PLEKHA6: variants seen among roughly 807,000 people sequenced by gnomAD.
The protein encoded by PLEKHA6 is pleckstrin homology domain containing A6, also known as pleckstrin homology domain-containing family A member 6.
PLEKHA6 carries 60 observed loss-of-function variants against 116.7 expected under a neutral mutation model. The observed-to-expected ratio is 0.51, with a 90% confidence interval of 0.42 to 0.64. The LOEUF (loss-of-function observed/expected upper bound fraction) is 0.64, where lower values mean the gene tolerates loss of function less well. Ranked by LOEUF, PLEKHA6 falls within the 30% of genes least tolerant of loss-of-function variation. The pLI, the probability that PLEKHA6 is intolerant of heterozygous loss-of-function variation, is 0.00. For synonymous variants in PLEKHA6, 489 were observed against 556.1 expected, an observed-to-expected ratio of 0.88 and a Z score of 1.70; for missense variants, 1,338 against 1,422.7, an observed-to-expected ratio of 0.94 and a Z score of 0.96.
At chr1:204,236,498 C>T (rs1662070840) in intron 17 of PLEKHA6, among the ~76,000 whole-genome samples, 1 of 152,142 alleles carries the variant, frequency 6.6e-6, no homozygotes, top group Non-Finnish European at 1.5e-5. Context: ...TGTAATTGCT[C>T]TTCTCTGCAT....
At chr1:204,253,436 T>C (rs1430572247) in intron 9 of PLEKHA6, among the ~76,000 whole-genome samples, 1 of 152,132 alleles carries the variant, frequency 6.6e-6, no homozygotes, top group Admixed American at 6.5e-5. Flanking sequence ...GAGTACTACC[T>C]ACGTGAACCC....
Position 204,259,234 on chromosome 1 carries a change from A to G in PLEKHA6, c.1007+24T>C. 6.2e-7 allele frequency: 1 copy of G among 1,608,196 alleles called. No individual in the cohort carries two copies. The highest frequency in any genetic ancestry group is 2.2e-5 in the East Asian group (1 of 44,818). On this transcript the variant is annotated intron_variant, in intron 8 of 22. Transcript: ENST00000272203. This position sits in a 1 kb window ranked among gnomAD's most constrained non-coding sequence, Gnocchi z 4.6. ...CTAGCCATAATACCATATCAGCCCC[A>G]CCCCAGCCGCCGGCATGCCTCACCT... is the stretch of plus-strand genomic sequence containing the variant.
intron 1 of PLEKHA6, chr1:204,281,085 G>T: frequency 3.0e-6 from 2 of 662,752 alleles, no homozygotes; most frequent in Non-Finnish European, 3.7e-6. Context: ...CTACTCAGAG[G>T]CAGAGGCAGG....
At chr1:204,314,294 C>T (rs1671770302) in intron 1 of PLEKHA6, among the ~76,000 whole-genome samples, 1 of 152,202 alleles carries the variant, frequency 6.6e-6, no homozygotes, top group Non-Finnish European at 1.5e-5. Context: ...CTGTAGCTCA[C>T]CTGTTCCTGT....
intron 1 of PLEKHA6, among the ~76,000 whole-genome samples, chr1:204,333,929 T>A (rs988076194): frequency 3.0e-4 from 45 of 152,228 alleles, no homozygotes; most frequent in African/African-American, 1.0e-3. Context: ...ATTGACAAGC[T>A]TTCCTAATCA....
At position 204,259,452 on chromosome 1, in the gene PLEKHA6, G is replaced by A. The variant is rs760563340; in HGVS notation, c.813C>T (p.Gly271=). 1.2e-6 allele frequency: 2 copies of A among 1,614,108 alleles called. No homozygotes were observed. The highest frequency in any genetic ancestry group is 2.7e-5 in the African/African-American group (2 of 74,954). ...GGGEQPAQPN[G]WQYHSPSRPG... ...GCCGGCTTGGGGAGTGGTACTGCCA[G>A]CCATTGGGCTGGGCAGGCTGTTCCC... The change falls in exon 8 of 23, where the codon GGC becomes GGT. Residue 271 remains glycine, a synonymous_variant. Transcript: ENST00000272203. The surrounding 1 kb of genome is among the most constrained non-coding windows in gnomAD (Gnocchi z 4.6).
At chr1:204,293,728 T>C (rs1371665056) in intron 1 of PLEKHA6, among the ~76,000 whole-genome samples, 1 of 152,216 alleles carries the variant, frequency 6.6e-6, no homozygotes, top group Non-Finnish European at 1.5e-5. Context: ...TGGCAAAATG[T>C]AAGACATTTT....
chr1:204,280,740 G>A (rs1395088320), intron 1 of PLEKHA6, among the ~76,000 whole-genome samples: 1 of 152,186 alleles, frequency 6.6e-6, no homozygotes, highest in Non-Finnish European at 1.5e-5. Flanking sequence ...GTTGGCTCCT[G>A]CTCTGTGCCT....
chr1:204,265,090 CGT>C (rs770241950), intron 5 of PLEKHA6, 48 bp from the exon 6 acceptor site: 1 of 1,313,796 alleles, frequency 7.6e-7, no homozygotes, highest in Non-Finnish European at 1.1e-6. Flanking sequence ...TGTGTGCAAG[CGT>C]GTGCGTGCGC....
At chr1:204,249,307 G>C (rs373819056) in intron 10 of PLEKHA6, 43 bp from the exon 11 acceptor site, 3 of 1,368,636 alleles carry the variant, frequency 2.2e-6, no homozygotes, top group Non-Finnish European at 3.1e-6. Context: ...GAAAGAAGGG[G>C]ATGAAGGACA....
intron 1 of PLEKHA6, among the ~76,000 whole-genome samples, chr1:204,329,628 A>C (rs998885972): frequency 6.6e-6 from 1 of 152,172 alleles, no homozygotes; most frequent in African/African-American, 2.4e-5. Flanking sequence ...CAAATAAGTA[A>C]ATTAAAGGAA....
intron 17 of PLEKHA6, among the ~76,000 whole-genome samples, chr1:204,234,525 C>T (rs1205126881): frequency 6.6e-6 from 1 of 152,150 alleles, no homozygotes; most frequent in East Asian, 1.9e-4. Context: ...TTCATCAACG[C>T]ACATTATGAT....
At chr1:204,358,539 G>A (rs1418843925) in intron 1 of PLEKHA6, among the ~76,000 whole-genome samples, 2 of 152,170 alleles carry the variant, frequency 1.3e-5, no homozygotes, top group Admixed American at 6.5e-5. Flanking sequence ...CCAGACAGTG[G>A]GCTCAGGCAG....
chr1:204,310,218 T>C (rs777806004), intron 1 of PLEKHA6, among the ~76,000 whole-genome samples: 21 of 152,086 alleles, frequency 1.4e-4, no homozygotes, highest in Admixed American at 5.2e-4. Flanking sequence ...AGATGAGAGA[T>C]AGATCGAGAG....
intron 9 of PLEKHA6, among the ~76,000 whole-genome samples, chr1:204,256,113 C>T (rs945303749): frequency 9.2e-5 from 14 of 152,186 alleles, no homozygotes; most frequent in African/African-American, 2.2e-4. Flanking sequence ...AAGGAGCAGC[C>T]GCCTAGCCTC....
rs142145022 is a variant in PLEKHA6 at position 204,296,060 on chromosome 1, G to A, written c.-94-21251C>T. Among the ~76,000 whole-genome samples, 33 of 152,332 alleles carry A rather than the reference G, an allele frequency of 2.2e-4. No individual in the cohort carries two copies. The East Asian group carries it at 5.2e-3, about 24-fold the overall frequency. On this transcript the variant is annotated intron_variant, in intron 1 of 22. Coordinates refer to ENST00000272203, the MANE Select transcript of PLEKHA6 (RefSeq NM_014935.5). Reference sequence around the variant, plus strand: ...GGACCAAGGAAGGGCATATGTGTCAGTGTCGTGGATGCAGCAACAGATCTG... The same window carrying A: ...GGACCAAGGAAGGGCATATGTGTCAATGTCGTGGATGCAGCAACAGATCTG...
intron 1 of PLEKHA6, among the ~76,000 whole-genome samples, chr1:204,328,050 A>T (rs200853813): frequency 0.03 from 92 of 3,118 alleles, no homozygotes; most frequent in Middle Eastern, 0.25. Flanking sequence ...TATTTATTTT[A>T]TTTATTTATT....
intron 1 of PLEKHA6, among the ~76,000 whole-genome samples, chr1:204,344,781 G>C (rs1195528717): frequency 6.6e-6 from 1 of 152,130 alleles, no homozygotes; most frequent in Admixed American, 6.6e-5. Context: ...AGCAGAAAAG[G>C]ACAGATGAGA....
rs768597116 is a variant in PLEKHA6 at position 204,248,850 on chromosome 1, T to A, written c.1795A>T (p.Ile599Phe). 1.9e-6 allele frequency: 3 copies of A among 1,613,982 alleles called. No homozygotes were observed. The Admixed American group carries it at 5.0e-5, about 27-fold the overall frequency. ...GTCGCCTGAGACAGCTCCACGCGGA[T>A]GTTGATGAGCTGGTTCTGCAGTGAA... is the stretch of plus-strand genomic sequence containing the variant. ...KDSLQNQLINIRVELSQATTA... is the reference protein window; with the variant it reads ...KDSLQNQLINFRVELSQATTA... Residue 599 changes from isoleucine (I) to phenylalanine (F), a missense_variant, in exon 12 of 23, where the codon ATC becomes TTC. Ile to Phe is a conservative substitution (Grantham distance 21). Around this residue, in one of 3 missense-constraint regions of PLEKHA6, gnomAD observed 1,136 missense variants for 1,163.6 expected, o/e 0.98. Coordinates refer to ENST00000272203, the MANE Select transcript of PLEKHA6 (RefSeq NM_014935.5).
Sources: gnomAD v4.1 joint callset for allele counts (sites outside exome capture counted in the v4.1 genomes callset) on GRCh38, gnomAD v4.1.1 for gene constraint, gnomAD v4.1.1 regional missense constraint, Gnocchi (gnomAD v3.1) non-coding constraint, MANE v1.5 for transcripts, NCBI Gene and HGNC (gene_info 2026-07-23, HGNC 2026-07-21) for gene names.